Variants in CFAP100 observed in about 807,000 individuals in gnomAD.
The protein encoded by CFAP100 is cilia- and flagella-associated protein 100.
A neutral mutation model predicts 81.5 loss-of-function variants in CFAP100; 70 were observed. The observed-to-expected ratio is 0.86, with a 90% CI of 0.71 to 1.05. The LOEUF (loss-of-function observed/expected upper bound fraction) is 1.05. Among genes scored for constraint, CFAP100 ranks in the 50% least tolerant of loss-of-function variants. The pLI is 0.00. For missense variants in CFAP100, 811 were observed against 776.5 expected (o/e 1.04, Z -0.53); for synonymous variants, 341 against 314.8 (o/e 1.08, Z -0.88).
chr3:126,433,033 A>G (rs763257464), intron 13 of CFAP100, 36 bp from the exon 14 acceptor site: 173 of 1,612,232 alleles, frequency 1.1e-4, no homozygotes, highest in Non-Finnish European at 1.4e-4. Context: ...GGCTGTGCTG[A>G]GTGACTGATG....
chr3:126,404,406 G>A (rs948734091), intron 2 of CFAP100, among the ~76,000 whole-genome samples: 3 of 152,212 alleles, frequency 2.0e-5, no homozygotes, highest in Non-Finnish European at 1.5e-5. Context: ...TCTAGACAAA[G>A]CTTTGGGAAG....
rs188772510 is a variant in CFAP100 at position 126,419,787 on chromosome 3, G to C, written c.882G>C (p.Glu294Asp). Reference sequence around the variant, plus strand: ...AGGAGGTCTCCGAGGCTTCCAAAGAGAGCAGTGTTAACTCCACACCAGGGG... The same window carrying C: ...AGGAGGTCTCCGAGGCTTCCAAAGACAGCAGTGTTAACTCCACACCAGGGG... ...KAKEVSEASK[E>D]SSVNSTPGDK... is the part of the protein sequence containing the mutation. The change falls in exon 9 of 17, where the codon GAG becomes GAC. Residue 294 changes from glutamate to aspartate, a missense_variant. Transcript: ENST00000352312. The C allele has an allele frequency of 3.7e-6, 6 of 1,613,982 alleles. No individual in the cohort carries two copies. Among genetic ancestry groups the C allele is most frequent in the Non-Finnish European group, 5.1e-6 (6 of 1,180,054 alleles).
intron 13 of CFAP100, among the ~76,000 whole-genome samples, chr3:126,428,572 G>A (rs931892687): frequency 2.6e-5 from 4 of 152,204 alleles, no homozygotes; most frequent in Non-Finnish European, 4.4e-5. Flanking sequence ...GTGCTACTCT[G>A]GAGGGGGATG....
chr3:126,416,566 AG>A, intron 5 of CFAP100, 58 bp downstream of exon 5: 1 of 1,398,980 alleles, frequency 7.1e-7, no homozygotes, highest in Non-Finnish European at 9.6e-7. Context: ...ACCGCAGCTC[AG>A]GGGGCGCGCC....
intron 13 of CFAP100, among the ~76,000 whole-genome samples, chr3:126,431,943 GAGC>G (rs1489867863): frequency 4.6e-5 from 7 of 152,136 alleles, no homozygotes. Flanking sequence ...GACCAACTCT[GAGC>G]AGCATGTCCC....
chr3:126,425,000 C>G (rs2083387062), intron 13 of CFAP100, among the ~76,000 whole-genome samples: 1 of 152,206 alleles, frequency 6.6e-6, no homozygotes, highest in Admixed American at 6.5e-5. Context: ...CCCGTTGGTG[C>G]AGTATGGCAA....
At chr3:126,402,934 C>T (rs924291871) in intron 2 of CFAP100, among the ~76,000 whole-genome samples, 1 of 151,908 alleles carries the variant, frequency 6.6e-6, no homozygotes, top group Non-Finnish European at 1.5e-5. Flanking sequence ...TCCAGTGCTC[C>T]TCAGGAGACA....
intron 15 of CFAP100, among the ~76,000 whole-genome samples, chr3:126,435,299 T>C (rs959719271): frequency 6.6e-6 from 1 of 152,060 alleles, no homozygotes; most frequent in Admixed American, 6.5e-5. Context: ...AACCTTAGAT[T>C]CAGCCCTTGC....
intron 4 of CFAP100, among the ~76,000 whole-genome samples, chr3:126,414,594 C>T (rs2083205196): frequency 6.6e-6 from 1 of 152,240 alleles, no homozygotes; most frequent in African/African-American, 2.4e-5. Flanking sequence ...TGTGCCGTCC[C>T]TATGGCTGGA....
intron 14 of CFAP100, 69 bp downstream of exon 14, chr3:126,433,273 C>G: frequency 6.4e-7 from 1 of 1,565,324 alleles, no homozygotes; most frequent in Non-Finnish European, 8.7e-7. Flanking sequence ...ACTGGAGGAG[C>G]CCTGACAGCC....
chr3:126,424,344 G>A (rs1383496595), intron 13 of CFAP100, among the ~76,000 whole-genome samples: 4 of 152,274 alleles, frequency 2.6e-5, no homozygotes, highest in Non-Finnish European at 5.9e-5. Flanking sequence ...AACACAGCTT[G>A]TCCAGCATGG....
chr3:126,408,552 C>T (rs2083104956), intron 3 of CFAP100, among the ~76,000 whole-genome samples: 1 of 152,180 alleles, frequency 6.6e-6, no homozygotes, highest in Non-Finnish European at 1.5e-5. Flanking sequence ...TGTCTGCTTC[C>T]TGATGCTGGC....
At chr3:126,410,695 C>G (rs2083140837) in intron 3 of CFAP100, among the ~76,000 whole-genome samples, 1 of 152,114 alleles carries the variant, frequency 6.6e-6, no homozygotes, top group South Asian at 2.1e-4. Flanking sequence ...AATCACTCTC[C>G]CAGTGAGGAC....
intron 13 of CFAP100, 35 bp from the exon 14 acceptor site, chr3:126,433,034 G>C (rs1446173892): frequency 1.9e-5 from 31 of 1,612,452 alleles, no homozygotes; most frequent in Non-Finnish European, 2.2e-5. Flanking sequence ...GCTGTGCTGA[G>C]TGACTGATGC....
At chr3:126,433,907 G>A (rs1576651013) in intron 14 of CFAP100, 1 of 466,798 alleles carries the variant, frequency 2.1e-6, no homozygotes, top group Admixed American at 3.9e-5. Context: ...CCTGGAGGAG[G>A]GGACTGGGCC....
At chr3:126,414,220 C>T (rs2083198970) in intron 4 of CFAP100, 41 bp downstream of exon 4, 3 of 1,392,384 alleles carry the variant, frequency 2.2e-6, no homozygotes. Context: ...CGGGAGCTTC[C>T]CTGCTCCCAC....
At chr3:126,397,584 T>C (rs2082908558) in intron 2 of CFAP100, among the ~76,000 whole-genome samples, 1 of 152,202 alleles carries the variant, frequency 6.6e-6, no homozygotes, top group African/African-American at 2.4e-5. Context: ...GCATTGGTAA[T>C]TCCTCGAGAT....
intron 13 of CFAP100, among the ~76,000 whole-genome samples, chr3:126,424,291 C>A (rs993459265): frequency 1.3e-5 from 2 of 151,252 alleles, no homozygotes; most frequent in African/African-American, 4.9e-5. Flanking sequence ...TGGGTGAGGG[C>A]CATCTGGCCA....
At chr3:126,424,973 C>T (rs1231293068) in intron 13 of CFAP100, among the ~76,000 whole-genome samples, 1 of 152,224 alleles carries the variant, frequency 6.6e-6, no homozygotes, top group African/African-American at 2.4e-5. Flanking sequence ...GGGAACCATG[C>T]TCCTGAGCAC....
Sources: allele counts gnomAD v4.1 joint callset (sites outside exome capture counted in the v4.1 genomes callset), GRCh38; gene constraint gnomAD v4.1.1; transcripts MANE v1.5; gene names NCBI Gene and HGNC (gene_info 2026-07-23, HGNC 2026-07-21).